The following DOCK2 variants were observed in gnomAD, a reference collection of about 807,000 sequenced individuals.
DOCK2 encodes the protein dedicator of cytokinesis protein 2.
Under a neutral mutation model 248.9 loss-of-function variants are expected in DOCK2, and 87 were observed. The ratio of observed to expected loss-of-function variants is 0.35; its 90% CI spans 0.29 to 0.42. The LOEUF (loss-of-function observed/expected upper bound fraction) is 0.42. Ranked by LOEUF, DOCK2 falls within the 10% of genes least tolerant of loss-of-function variation. The probability of loss-of-function intolerance (pLI) is 1.00; values close to 1 mark genes in which losing one functional copy is unlikely to be tolerated. For missense variants in DOCK2, 1,747 were observed against 2,300.2 expected (o/e 0.76, Z 4.92); for synonymous variants, 805 against 821.6 (o/e 0.98, Z 0.35).
At chr5:169,806,815 C>A (rs944552937) in intron 26 of DOCK2, among the ~76,000 whole-genome samples, 1 of 152,080 alleles carries the variant, frequency 6.6e-6, no homozygotes, top group Non-Finnish European at 1.5e-5. Context: ...GAGGGGACAA[C>A]TTTCCAATCT....
intron 49 of DOCK2, chr5:170,079,402 C>T: frequency 2.4e-6 from 1 of 422,414 alleles, no homozygotes; most frequent in Admixed American, 3.5e-5. Context: ...TGTATCCTTT[C>T]CACCATCACA....
intron 20 of DOCK2, 122 bp from the exon 21 acceptor site, chr5:169,717,262 T>C: frequency 1.4e-6 from 1 of 731,162 alleles, no homozygotes; most frequent in Non-Finnish European, 2.4e-6. Context: ...AGAGAACTCA[T>C]TATGTATTAG....
chr5:169,662,738 G>T (rs1327655899), intron 2 of DOCK2, among the ~76,000 whole-genome samples: 1 of 152,104 alleles, frequency 6.6e-6, no homozygotes, highest in African/African-American at 2.4e-5. Context: ...AACAGAATGG[G>T]GGAAACCGTC....
chr5:170,064,402 CAAAG>C (rs940315365), intron 44 of DOCK2, among the ~76,000 whole-genome samples: 2 of 151,730 alleles, frequency 1.3e-5, no homozygotes, highest in African/African-American at 4.8e-5. Context: ...AGAATTCTAA[CAAAG>C]AGAAAGCATA....
intron 2 of DOCK2, among the ~76,000 whole-genome samples, chr5:169,668,957 T>C (rs12657746): frequency 0.21 from 32,609 of 152,112 alleles, 3,673 homozygotes; most frequent in South Asian, 0.31. Context: ...TTGAGGCTGG[T>C]GGACTGGAGG....
intron 22 of DOCK2, among the ~76,000 whole-genome samples, chr5:169,737,879 C>G (rs1400275406): frequency 1.3e-5 from 2 of 152,198 alleles, no homozygotes; most frequent in Non-Finnish European, 2.9e-5. Context: ...CTGTGAGCAG[C>G]TCTAGCAAGT....
chr5:169,766,179 C>T (rs1171234195), intron 25 of DOCK2, among the ~76,000 whole-genome samples: 4 of 152,006 alleles, frequency 2.6e-5, no homozygotes, highest in Non-Finnish European at 4.4e-5. Context: ...CCAGGTAATA[C>T]GCATAGACCT....
intron 5 of DOCK2, among the ~76,000 whole-genome samples, chr5:169,673,661 T>C (rs954811885): frequency 4.1e-4 from 62 of 152,340 alleles, no homozygotes; most frequent in South Asian, 2.1e-4. Flanking sequence ...TGCTTGCTAT[T>C]GTACCTGTCA....
intron 25 of DOCK2, among the ~76,000 whole-genome samples, chr5:169,767,469 G>A (rs1415709133): frequency 1.3e-5 from 2 of 152,158 alleles, no homozygotes; most frequent in African/African-American, 2.4e-5. Flanking sequence ...CGGGTTCCAT[G>A]TCAGAAAAAT....
chr5:170,038,560 C>A (rs1050564280), intron 36 of DOCK2, among the ~76,000 whole-genome samples: 1 of 152,180 alleles, frequency 6.6e-6, no homozygotes, highest in African/African-American at 2.4e-5. Flanking sequence ...CCTATTCTGA[C>A]GACTGTTAGC....
intron 27 of DOCK2, among the ~76,000 whole-genome samples, chr5:169,843,414 C>T (rs190016367): frequency 1.3e-5 from 2 of 152,044 alleles, no homozygotes; most frequent in African/African-American, 2.4e-5. Context: ...CCCAGCTACT[C>T]GGGAGGCTGA....
intron 22 of DOCK2, among the ~76,000 whole-genome samples, chr5:169,740,812 T>A (rs952414545): frequency 6.6e-6 from 1 of 152,204 alleles, no homozygotes. Context: ...GGAGAATTTC[T>A]CTGACCACTG....
chr5:169,966,297 C>T (rs1033044200), intron 27 of DOCK2, among the ~76,000 whole-genome samples: 8 of 151,548 alleles, frequency 5.3e-5, no homozygotes, highest in Non-Finnish European at 1.0e-4. Flanking sequence ...TTTTGGGGGG[C>T]GGGGGTTGAG....
Position 169,744,213 on chromosome 5 carries a change from CA to C in DOCK2, c.2268-3182del, listed in dbSNP as rs553018887. On this transcript the variant is annotated intron_variant, in intron 22 of 51. Transcript: ENST00000520908. ...TCTGGTTCAAGCTATATCATTGGCA[CA>C]GTCTGTGACCTAGAGCAGATCACTG... 1.1e-3 allele frequency among the ~76,000 whole-genome samples: 171 copies of C among 152,312 alleles called. 2 individuals carry two copies. The highest frequency in any genetic ancestry group is 2.7e-3 in the Admixed American group (41 of 15,302).
At chr5:169,706,525 C>CGA (rs1457787202) in intron 14 of DOCK2, among the ~76,000 whole-genome samples, 1 of 152,108 alleles carries the variant, frequency 6.6e-6, no homozygotes, top group African/African-American at 2.4e-5. Context: ...CTGAATTAAG[C>CGA]GAGGTGGTGT....
At chr5:170,069,055 G>T in intron 45 of DOCK2, 82 bp from the exon 46 acceptor site, 1 of 1,292,084 alleles carries the variant, frequency 7.7e-7, no homozygotes, top group South Asian at 1.3e-5. Context: ...CTTTCAAATT[G>T]AATCTTCTCC....
At chr5:169,962,934 G>A (rs1429891303) in intron 27 of DOCK2, among the ~76,000 whole-genome samples, 1 of 152,164 alleles carries the variant, frequency 6.6e-6, no homozygotes, top group Non-Finnish European at 1.5e-5. Context: ...ATACCCCTAG[G>A]CCAGGTATAG....
At chr5:169,690,551 C>G (rs1760237715) in intron 9 of DOCK2, among the ~76,000 whole-genome samples, 1 of 152,168 alleles carries the variant, frequency 6.6e-6, no homozygotes, top group Non-Finnish European at 1.5e-5. Context: ...GTCCTAATTG[C>G]TTAGGCAAAG....
At chr5:169,681,988 G>A (rs1183011446) in intron 7 of DOCK2, 109 bp downstream of exon 7, 2 of 1,449,012 alleles carry the variant, frequency 1.4e-6, no homozygotes, top group East Asian at 4.7e-5. Context: ...AGGGGCATCT[G>A]TCTATGACCT....
Sources: gnomAD v4.1 joint callset for allele counts (sites outside exome capture counted in the v4.1 genomes callset) on GRCh38, gnomAD v4.1.1 for gene constraint, MANE v1.5 for transcripts, NCBI Gene and HGNC (gene_info 2026-07-23, HGNC 2026-07-21) for gene names.